The following KBTBD7 variants were observed in gnomAD, a reference collection of about 807,000 sequenced individuals.
KBTBD7 encodes the protein kelch repeat and BTB domain-containing protein 7.
A neutral mutation model predicts 50.3 loss-of-function variants in KBTBD7; 25 were observed. The ratio of observed to expected loss-of-function variants is 0.50; its 90% CI spans 0.36 to 0.69. KBTBD7 has a LOEUF of 0.69. Ranked by LOEUF, KBTBD7 falls within the 30% of genes least tolerant of loss-of-function variation. The pLI, the probability that KBTBD7 is intolerant of heterozygous loss-of-function variation, is 0.00. For synonymous variants in KBTBD7, 305 were observed against 325.3 expected (o/e 0.94, Z 0.67); for missense variants, 653 against 869.5 (o/e 0.75, Z 3.13).
rs1003938334 is a variant in KBTBD7, at chr13:41,194,240, G to A, written c.18C>T (p.Asp6=). 3.7e-6 allele frequency: 6 copies of A among 1,613,860 alleles called. No homozygotes were observed. The highest frequency in any genetic ancestry group is 2.7e-5 in the African/African-American group (2 of 74,942). The change falls in exon 1 of 1, where the codon GAC becomes GAT. Residue 6 remains aspartate, a synonymous_variant. Transcript: ENST00000379483. Reference sequence around the variant, plus strand: ...TGGCGAGGCGGCGAGAGCGCGGGACGTCTTCCCGGGACTGCATGGTGGAGA... The same window carrying A: ...TGGCGAGGCGGCGAGAGCGCGGGACATCTTCCCGGGACTGCATGGTGGAGA... The part of the protein sequence containing the change: MQSRE[D]VPRSRRLASP...
Position 41,192,741 on chromosome 13 carries a change from T to G in KBTBD7, c.1517A>C (p.Asn506Thr). Reference protein sequence around the residue: ...CYDPSHNMWLNCASLKRSDFQ... With the variant: ...CYDPSHNMWLTCASLKRSDFQ... ...GTCACTACGTTTAAGAGAAGCACAG[T>G]TCAGCCACATATTGTGGCTAGGATC... Residue 506 changes from asparagine (N) to threonine (T), a missense_variant, in exon 1 of 1, where the codon AAC becomes ACC. Asn to Thr is a moderately conservative substitution (Grantham distance 65). Around this residue, in one of 3 missense-constraint regions of KBTBD7, gnomAD observed 526 missense variants for 717.1 expected, o/e 0.73. Transcript: ENST00000379483. 6.2e-7 allele frequency: 1 copy of G among 1,614,196 alleles called. No homozygotes were observed. The highest frequency in any genetic ancestry group is 8.5e-7 in the Non-Finnish European group (1 of 1,180,022).
Position 41,194,206 on chromosome 13 carries a change from C to T in KBTBD7, c.52G>A (p.Gly18Ser), listed in dbSNP as rs1486424149. 2 of 1,614,186 alleles carry T rather than the reference C, an allele frequency of 1.2e-6. No individual in the cohort carries two copies. Among genetic ancestry groups the T allele is most frequent in the Non-Finnish European group, 1.7e-6 (2 of 1,180,040 alleles). The part of the protein sequence containing the change: ...PRSRRLASPR[G>S]GRRPKRISKP... ...GAAATCCTCTTGGGCCGCCTCCCAC[C>T]ACGGGGACTGGCGAGGCGGCGAGAG... The change falls in exon 1 of 1, where the codon GGT becomes AGT. Residue 18 changes from glycine (G) to serine (S), a missense_variant. By Grantham distance (56) the Gly-to-Ser change is moderately conservative. This residue lies in a region of KBTBD7 where 119 missense variants were observed against 125.0 expected (regional missense o/e 0.95). Transcript: ENST00000379483.
At position 41,192,381 on chromosome 13, in the gene KBTBD7, C is replaced by T. The variant is rs1423768669; in HGVS notation, c.1877G>A (p.Gly626Asp). Residue 626 changes from glycine (G) to aspartate (D), a missense_variant, in exon 1 of 1, where the codon GGT (glycine) becomes GAT (aspartate). By Grantham distance (94) the Gly-to-Asp change is moderately conservative. Transcript: ENST00000379483. ...ARVYPSCLEP[G>D]QSFITEEDDA... ...ATCTTCCTCAGTAATAAAACTCTGA[C>T]CAGGTTCAAGGCAGGAAGGATAAAC... The T allele has an allele frequency of 6.2e-7, 1 of 1,614,012 alleles. No individual in the cohort carries two copies. Among genetic ancestry groups the T allele is most frequent in the Non-Finnish European group, 8.5e-7 (1 of 1,180,032 alleles).
At position 41,191,779 on chromosome 13, in the gene KBTBD7, T is replaced by C. The variant is rs1484421884; in HGVS notation, c.*424A>G. The C allele has an allele frequency of 6.5e-6, 1 of 154,470 alleles. No homozygotes were observed. The highest frequency in any genetic ancestry group is 1.4e-5 in the Non-Finnish European group (1 of 69,774). 9.6% of individuals were successfully genotyped at this position (154,470 alleles called of 1,614,324 possible). ...TTATTTTGAAGGAAAGTACACATCC[T>C]TCAAAACCCCGCTAACAATTCCTAG... is the stretch of plus-strand genomic sequence containing the variant. On this transcript the variant is annotated 3_prime_UTR_variant, in exon 1 of 1. Coordinates refer to ENST00000379483, the MANE Select transcript of KBTBD7 (RefSeq NM_032138.7).
At position 41,193,942 on chromosome 13, in the gene KBTBD7, C is replaced by T; in HGVS notation, c.316G>A (p.Glu106Lys). 6.2e-7 allele frequency: 1 copy of T among 1,613,826 alleles called. No homozygotes were observed. Among genetic ancestry groups the T allele is most frequent in the Non-Finnish European group, 8.5e-7 (1 of 1,179,850 alleles). The part of the protein sequence containing the change: ...FKSMFTGGMY[E>K]SQQASVTMHD... ...ATGGTCACGCTGGCCTGCTGGCTCT[C>T]GTACATGCCACCTGTGAACATGCTC... is the stretch of plus-strand genomic sequence containing the variant. The change falls in exon 1 of 1, where the codon GAG becomes AAG. Residue 106 changes from glutamate (E) to lysine (K), a missense_variant. Glu to Lys is a moderately conservative substitution (Grantham distance 56). Around this residue, in one of 3 missense-constraint regions of KBTBD7, gnomAD observed 8 missense variants for 27.4 expected, o/e 0.29. Coordinates refer to ENST00000379483, the MANE Select transcript of KBTBD7 (RefSeq NM_032138.7). This position sits in a 1 kb window ranked among gnomAD's most constrained non-coding sequence, Gnocchi z 5.7.
rs1168748006 is a variant in KBTBD7, at chr13:41,189,937, C to T, written c.*2266G>A. ...CTTAATTCACAAATAGATCACAAAA[C>T]CAAGATCCTTCCCAAGAAAACCTTA... On this transcript the variant is annotated 3_prime_UTR_variant, in exon 1 of 1. Coordinates refer to ENST00000379483, the MANE Select transcript of KBTBD7 (RefSeq NM_032138.7). 1.3e-5 allele frequency: 2 copies of T among 152,156 alleles called. No homozygotes were observed. 9.4% of individuals were successfully genotyped at this position (152,156 alleles called of 1,614,324 possible).
At position 41,192,186 on chromosome 13, in the gene KBTBD7, G is replaced by C. The variant is rs775735075; in HGVS notation, c.*17C>G. 4 of 1,580,984 alleles carry C rather than the reference G, an allele frequency of 2.5e-6. No homozygotes were observed. The South Asian group carries it at 4.6e-5, about 18-fold the overall frequency. On this transcript the variant is annotated 3_prime_UTR_variant, in exon 1 of 1. Transcript: ENST00000379483. ...ATTCCGTAGCAGTAGAAACATCTTA[G>C]TGTCTCAAAATACTATTTACAAAGA...
chr13:41,194,345 A>C lies in KBTBD7; in HGVS notation c.-88T>G. ...TCAACCTTCCCTCGCTGACGCTAAG[A>C]CAAGCCGCGTCCTGGAACAGACTGC... is the stretch of plus-strand genomic sequence containing the variant. On this transcript the variant is annotated 5_prime_UTR_variant, in exon 1 of 1. Transcript: ENST00000379483. The C allele has an allele frequency of 6.6e-7, 1 of 1,514,598 alleles. No homozygotes were observed. The highest frequency in any genetic ancestry group is 8.9e-7 in the Non-Finnish European group (1 of 1,126,754). 93.8% of individuals were successfully genotyped at this position (1,514,598 alleles called of 1,614,324 possible). A position where few individuals can be genotyped will look rare whatever the true frequency, so the allele number is the denominator to read the frequency against.
rs746423977 is a variant in KBTBD7, at chr13:41,193,743, T to C, written c.515A>G (p.Asn172Ser). The C allele has an allele frequency of 6.2e-6, 10 of 1,614,042 alleles. No individual in the cohort carries two copies. The African/African-American group carries it at 9.3e-5, about 15-fold the overall frequency. ...TGCAAACTTGAGGATGGCGGTGCAG[T>C]TGGTCAGGTCAAGACGTCGGGCTAA... ...SFLARRLDLTNCTAILKFADA... is the reference protein window; with the variant it reads ...SFLARRLDLTSCTAILKFADA... Residue 172 changes from asparagine to serine, a missense_variant, in exon 1 of 1, where the codon AAC (asparagine) becomes AGC (serine). Transcript: ENST00000379483. This position sits in a 1 kb window ranked among gnomAD's most constrained non-coding sequence, Gnocchi z 5.7.
Position 41,192,109 on chromosome 13 carries a change from G to A in KBTBD7, c.*94C>T, listed in dbSNP as rs1227523509. 3 of 1,249,492 alleles carry A rather than the reference G, an allele frequency of 2.4e-6. No individual in the cohort carries two copies. Among genetic ancestry groups the A allele is most frequent in the Non-Finnish European group, 3.4e-6 (3 of 890,516 alleles). The allele number at this position is 1,249,492 out of a possible 1,614,324, so 77.4% of individuals were successfully genotyped here. A position where few individuals can be genotyped will look rare whatever the true frequency, so the allele number is the denominator to read the frequency against. The stretch of plus-strand genomic sequence containing the variant: ...TTACCCTTTCTAAACCAAATCTGTG[G>A]TCCTAATCAACTTTTTTTCCAAGAA... On this transcript the variant is annotated 3_prime_UTR_variant, in exon 1 of 1. Coordinates refer to ENST00000379483, the MANE Select transcript of KBTBD7 (RefSeq NM_032138.7).
In KBTBD7 at chr13:41,192,535, T is replaced by C. The variant is rs367793070; in HGVS notation, c.1723A>G (p.Thr575Ala). ...ACTCGGTTCTTTTTCCATTGTGGGG[T>C]TGTAGAAGTGATGAGAAGCAACTTT... ...DQKLLLITSTTPQWKKNRVTV... is the reference protein window; with the variant it reads ...DQKLLLITSTAPQWKKNRVTV... The change falls in exon 1 of 1, where the codon ACC (threonine) becomes GCC (alanine). Residue 575 changes from threonine to alanine, a missense_variant. By Grantham distance (58) the Thr-to-Ala change is moderately conservative. This residue lies in a region of KBTBD7 where 526 missense variants were observed against 717.1 expected (regional missense o/e 0.73). Coordinates refer to ENST00000379483, the MANE Select transcript of KBTBD7 (RefSeq NM_032138.7). 7 of 1,614,140 alleles carry C rather than the reference T, an allele frequency of 4.3e-6. No homozygotes were observed. Among genetic ancestry groups the C allele is most frequent in the Non-Finnish European group, 5.1e-6 (6 of 1,180,016 alleles).
In KBTBD7 at chr13:41,194,501, G is replaced by C; in HGVS notation, c.-244C>G. ...GCCTCCGCTCGCCCTCACAGGACCCGCTGGCTTGCAGCCGCGGAAGCCCCC... is the reference window on the plus strand; with the variant it reads ...GCCTCCGCTCGCCCTCACAGGACCCCCTGGCTTGCAGCCGCGGAAGCCCCC... On this transcript the variant is annotated 5_prime_UTR_variant, in exon 1 of 1. Transcript: ENST00000379483. The C allele has an allele frequency of 1.8e-6, 1 of 564,392 alleles. No homozygotes were observed. The highest frequency in any genetic ancestry group is 3.2e-6 in the Non-Finnish European group (1 of 316,244). 35.0% of individuals were successfully genotyped at this position (564,392 alleles called of 1,614,324 possible). A position where few individuals can be genotyped will look rare whatever the true frequency, so the allele number is the denominator to read the frequency against.
Position 41,193,680 on chromosome 13 carries a change from TG to T in KBTBD7, c.577del (p.Gln193SerfsTer4). 6.2e-7 allele frequency: 1 copy of T among 1,614,216 alleles called. No individual in the cohort carries two copies. Among genetic ancestry groups the T allele is most frequent in the Non-Finnish European group, 8.5e-7 (1 of 1,180,038 alleles). On this transcript the variant is annotated frameshift_variant, in exon 1 of 1. Coordinates refer to ENST00000379483, the MANE Select transcript of KBTBD7 (RefSeq NM_032138.7). LOFTEE classifies it high-confidence loss of function. The surrounding 1 kb of genome is among the most constrained non-coding windows in gnomAD (Gnocchi z 5.7). ...CTTGAAGTTGTGAGCTATGTAGGAC[TG>T]GGCCTGAGATCGAAGCTTGTGATGG... ...FDHHKLRSQA[Q>X]SYIAHNFKQL...
chr13:41,193,530 G>A lies in KBTBD7; in HGVS notation c.728C>T (p.Ala243Val), dbSNP rs1221810453. Residue 243 changes from alanine (A) to valine (V), a missense_variant, in exon 1 of 1, where the codon GCT becomes GTT. By Grantham distance (64) the Ala-to-Val change is moderately conservative. Around this residue, in one of 3 missense-constraint regions of KBTBD7, gnomAD observed 526 missense variants for 717.1 expected, o/e 0.73. Coordinates refer to ENST00000379483, the MANE Select transcript of KBTBD7 (RefSeq NM_032138.7). The surrounding 1 kb of genome is among the most constrained non-coding windows in gnomAD (Gnocchi z 5.7). Reference protein sequence around the residue: ...IESERTVCHVAVQWLEAAAKE... With the variant: ...IESERTVCHVVVQWLEAAAKE... ...GGCAGCAGCCTCCAGCCACTGCACA[G>A]CTACATGGCATACAGTCCGCTCACT... is the stretch of plus-strand genomic sequence containing the variant. 2 of 1,614,106 alleles carry A rather than the reference G, an allele frequency of 1.2e-6. No homozygotes were observed. The highest frequency in any genetic ancestry group is 1.7e-6 in the Non-Finnish European group (2 of 1,180,044).
Position 41,192,926 on chromosome 13 carries a change from G to T in KBTBD7, c.1332C>A (p.Asp444Glu). 3 of 1,614,140 alleles carry T rather than the reference G, an allele frequency of 1.9e-6. No homozygotes were observed. The highest frequency in any genetic ancestry group is 2.5e-6 in the Non-Finnish European group (3 of 1,180,028). Residue 444 changes from aspartate (D) to glutamate (E), a missense_variant, in exon 1 of 1, where the codon GAC becomes GAA. By Grantham distance (45) the Asp-to-Glu change is conservative. Transcript: ENST00000379483. ...CCTTCAACTTAACTCCAGTAATAGG[G>T]TCTCGTCCCCCCAAAATGTAGATGT... ...NGYIYILGGR[D>E]PITGVKLKEV...
Position 41,193,650 on chromosome 13 carries a change from A to G in KBTBD7, c.608T>C (p.Leu203Pro). The G allele has an allele frequency of 1.2e-6, 2 of 1,614,172 alleles. No individual in the cohort carries two copies. The highest frequency in any genetic ancestry group is 1.1e-5 in the South Asian group (1 of 91,088). The change falls in exon 1 of 1, where the codon CTC (leucine) becomes CCC (proline). Residue 203 changes from leucine (L) to proline (P), a missense_variant. Coordinates refer to ENST00000379483, the MANE Select transcript of KBTBD7 (RefSeq NM_032138.7). The surrounding 1 kb of genome is among the most constrained non-coding windows in gnomAD (Gnocchi z 5.7). ...CTCCCGAATTGAACCCATTCGGCTG[A>G]GCTGCTTGAAGTTGTGAGCTATGTA... ...QSYIAHNFKQ[L>P]SRMGSIREET...
chr13:41,192,499 C>G lies in KBTBD7; in HGVS notation c.1759G>C (p.Glu587Gln). The change falls in exon 1 of 1, where the codon GAG becomes CAG. Residue 587 changes from glutamate (E) to glutamine (Q), a missense_variant. Glu to Gln is a conservative substitution (Grantham distance 29). Around this residue, in one of 3 missense-constraint regions of KBTBD7, gnomAD observed 526 missense variants for 717.1 expected, o/e 0.73. Coordinates refer to ENST00000379483, the MANE Select transcript of KBTBD7 (RefSeq NM_032138.7). ...CACTGATCTTCCCTAGTATCATACTCATACACTGTCACTCGGTTCTTTTTC... is the reference window on the plus strand; with the variant it reads ...CACTGATCTTCCCTAGTATCATACTGATACACTGTCACTCGGTTCTTTTTC... ...QWKKNRVTVY[E>Q]YDTREDQWIN... 6.2e-7 allele frequency: 1 copy of G among 1,614,228 alleles called. No individual in the cohort carries two copies. Among genetic ancestry groups the G allele is most frequent in the Non-Finnish European group, 8.5e-7 (1 of 1,180,016 alleles).
chr13:41,194,024 C>G lies in KBTBD7; in HGVS notation c.234G>C (p.Thr78=). 6.2e-7 allele frequency: 1 copy of G among 1,614,206 alleles called. No individual in the cohort carries two copies. The highest frequency in any genetic ancestry group is 8.5e-7 in the Non-Finnish European group (1 of 1,180,040). Residue 78 remains threonine, a synonymous_variant, in exon 1 of 1, where the codon ACG becomes ACC. Transcript: ENST00000379483. ...TGCGATTGCAGGAAAAGAGGCGACC[C>G]GTGCCAGGCCCGCTGCCAGGCGTCA... ...EVVTPGSGPG[T]GRLFSCNRNV... is the part of the protein sequence containing the mutation.
Position 41,194,388 on chromosome 13 carries a change from T to G in KBTBD7, c.-131A>C. The G allele has an allele frequency of 8.0e-7, 1 of 1,255,488 alleles. No individual in the cohort carries two copies. Among genetic ancestry groups the G allele is most frequent in the Non-Finnish European group, 1.1e-6 (1 of 914,410 alleles). The allele number at this position is 1,255,488 out of a possible 1,614,324, so 77.8% of individuals were successfully genotyped here. Reference sequence around the variant, plus strand: ...CAGACTGCGGCACGGGCCGCACTTCTGAATTCAGCCCTATCCCGCGGTGAG... The same window carrying G: ...CAGACTGCGGCACGGGCCGCACTTCGGAATTCAGCCCTATCCCGCGGTGAG... On this transcript the variant is annotated 5_prime_UTR_variant, in exon 1 of 1. Coordinates refer to ENST00000379483, the MANE Select transcript of KBTBD7 (RefSeq NM_032138.7).
Sources: gnomAD v4.1 joint callset for allele counts on GRCh38, gnomAD v4.1.1 for gene constraint, gnomAD v4.1.1 regional missense constraint, Gnocchi (gnomAD v3.1) non-coding constraint, MANE v1.5 for transcripts, NCBI Gene and HGNC (gene_info 2026-07-23, HGNC 2026-07-21) for gene names.